HIVEP3: variants seen among roughly 807,000 people sequenced by gnomAD.
The protein encoded by HIVEP3 is HIVEP zinc finger 3.
A neutral mutation model predicts 152.8 loss-of-function variants in HIVEP3; 49 were observed. That is an observed-to-expected ratio of 0.32 (90% CI 0.26 to 0.41). The LOEUF is 0.41. HIVEP3 is among the 10% of genes least tolerant of loss of function. HIVEP3 has a pLI of 1.00. For synonymous variants in HIVEP3, 1,269 were observed against 1,289.0 expected, an observed-to-expected ratio of 0.98 and a Z score of 0.33; for missense variants, 2,790 against 3,103.3, an observed-to-expected ratio of 0.90 and a Z score of 2.40.
At chr1:41,745,985 T>A (rs1043476133) in intron 1 of HIVEP3, among the ~76,000 whole-genome samples, 2 of 152,186 alleles carry the variant, frequency 1.3e-5, no homozygotes, top group Non-Finnish European at 2.9e-5. Flanking sequence ...GGTCAACGAA[T>A]GAATGGCTAA....
Position 41,954,780 on chromosome 1 carries a change from C to CAA in HIVEP3, n.120-36257_120-36256insTT, listed in dbSNP as rs1374786426. On this transcript the variant is annotated intron_variant and non_coding_transcript_variant, in intron 1 of 3. Transcript: ENST00000489103. ...TGGCCCAGGGCAGGTTGCTTCATCGCTCTTAGTCCGAGTCTCCTCATTTGT... is the reference window on the plus strand; with the variant it reads ...TGGCCCAGGGCAGGTTGCTTCATCGCAATCTTAGTCCGAGTCTCCTCATTTGT... Among the ~76,000 whole-genome samples the CAA allele has an allele frequency of 1.7e-3, 256 of 152,334 alleles. 2 individuals carry two copies. Among genetic ancestry groups the CAA allele is most frequent in the African/African-American group, 5.9e-3 (244 of 41,574 alleles).
At chr1:41,642,662 C>A (rs542467085) in intron 2 of HIVEP3, among the ~76,000 whole-genome samples, 1 of 152,284 alleles carries the variant, frequency 6.6e-6, no homozygotes, top group African/African-American at 2.4e-5. Flanking sequence ...GTGATGCATC[C>A]GTGTCACTCA....
chr1:41,582,301 G>T lies in HIVEP3; in HGVS notation c.2497C>A (p.Pro833Thr). ...KPLAQFPSPPPAPHGRSAHSL... is the reference protein window; with the variant it reads ...KPLAQFPSPPTAPHGRSAHSL... ...TGAGCAGAGCGTCCGTGTGGGGCAG[G>T]TGGGGGTGATGGGAACTGGGCCAGA... The change falls in exon 4 of 9, where the codon CCT becomes ACT. Residue 833 changes from proline to threonine, a missense_variant. By Grantham distance (38) the Pro-to-Thr change is conservative. Transcript: ENST00000372583. This position sits in a 1 kb window ranked among gnomAD's most constrained non-coding sequence, Gnocchi z 4.7. 2 of 1,614,198 alleles carry T rather than the reference G, an allele frequency of 1.2e-6. No homozygotes were observed. Among genetic ancestry groups the T allele is most frequent in the Non-Finnish European group, 1.7e-6 (2 of 1,180,026 alleles).
intron 5 of HIVEP3, among the ~76,000 whole-genome samples, chr1:41,548,605 G>A (rs990116212): frequency 2.6e-5 from 4 of 151,658 alleles, no homozygotes; most frequent in Admixed American, 1.3e-4. Flanking sequence ...GCCCGATATC[G>A]GCTCATTGCA....
intron 1 of HIVEP3, among the ~76,000 whole-genome samples, chr1:41,970,073 T>G (rs770738745): frequency 5.3e-5 from 8 of 152,186 alleles, no homozygotes; most frequent in Non-Finnish European, 1.0e-4. Flanking sequence ...AACAGGAATG[T>G]TTTTACATTG....
chr1:41,954,594 G>T (rs1196462631), intron 1 of HIVEP3, among the ~76,000 whole-genome samples: 1 of 152,238 alleles, frequency 6.6e-6, no homozygotes, highest in Non-Finnish European at 1.5e-5. Context: ...TCTCTGAGCA[G>T]GGGGTCATGG....
intron 1 of HIVEP3, among the ~76,000 whole-genome samples, chr1:41,793,904 T>A (rs1279361493): frequency 6.6e-6 from 1 of 152,206 alleles, no homozygotes; most frequent in African/African-American, 2.4e-5. Context: ...TGTTTGTCAC[T>A]GAAATATTTT....
At chr1:42,014,723 C>G (rs916943984) in intron 1 of HIVEP3, among the ~76,000 whole-genome samples, 1 of 152,130 alleles carries the variant, frequency 6.6e-6, no homozygotes, top group African/African-American at 2.4e-5. Context: ...ATGCTATGAT[C>G]AATAACAAAT....
intron 1 of HIVEP3, among the ~76,000 whole-genome samples, chr1:41,741,351 G>C (rs1159112652): frequency 6.6e-6 from 1 of 152,192 alleles, no homozygotes; most frequent in Non-Finnish European, 1.5e-5. Flanking sequence ...TCCCACCTTT[G>C]CATTCTCCTA....
chr1:41,749,420 G>GTGTGTGTGTGTGTGTGTGTC (rs1460112299), intron 1 of HIVEP3, among the ~76,000 whole-genome samples: 2 of 151,916 alleles, frequency 1.3e-5, no homozygotes, highest in Non-Finnish European at 2.9e-5. Context: ...GTGTGTGTGT[G>GTGTGTGTGTGTGTGTGTGTC]TGTGTGTGTG....
intron 1 of HIVEP3, among the ~76,000 whole-genome samples, chr1:41,711,123 C>T (rs944432726): frequency 3.9e-5 from 6 of 152,246 alleles, no homozygotes; most frequent in African/African-American, 1.4e-4. Flanking sequence ...CTAGTGCCCT[C>T]CCTTCCCTTT....
chr1:41,901,970 A>G (rs1398928230), intron 1 of HIVEP3, among the ~76,000 whole-genome samples: 2 of 152,176 alleles, frequency 1.3e-5, no homozygotes, highest in African/African-American at 4.8e-5. Context: ...CTTGACACAG[A>G]ACAGGGATTC....
chr1:42,029,069 T>C (rs1289083435), intron 1 of HIVEP3, among the ~76,000 whole-genome samples: 1 of 152,224 alleles, frequency 6.6e-6, no homozygotes, highest in East Asian at 1.9e-4. Flanking sequence ...CTGAAGAATA[T>C]ACATCCATTG....
chr1:41,756,001 C>G (rs1343185580), intron 1 of HIVEP3, among the ~76,000 whole-genome samples: 1 of 152,180 alleles, frequency 6.6e-6, no homozygotes, highest in Non-Finnish European at 1.5e-5. Context: ...CAAACAAATA[C>G]AAATTGTGTG....
At position 41,552,920 on chromosome 1, in the gene HIVEP3, A is replaced by G. The variant is rs111926223; in HGVS notation, c.5207+22624T>C. ...GCTGAGGAGTGCTTTACTTCCAACT[A>G]TGTGGTCAATTTTGGAATAAGTGCT... On this transcript the variant is annotated intron_variant, in intron 5 of 8. Transcript: ENST00000372583. Among the ~76,000 whole-genome samples, 6 of 152,290 alleles carry G rather than the reference A, an allele frequency of 3.9e-5. No homozygotes were observed. In the East Asian group the frequency reaches 1.2e-3, roughly 29 times the overall value.
intron 1 of HIVEP3, among the ~76,000 whole-genome samples, chr1:41,823,988 G>T (rs1476373014): frequency 1.3e-5 from 2 of 152,216 alleles, no homozygotes; most frequent in Non-Finnish European, 2.9e-5. Context: ...AGGCAAATAA[G>T]CTGGCTTGTG....
At position 41,998,530 on chromosome 1, in the gene HIVEP3, T is replaced by C. The variant is rs148007235; in HGVS notation, n.119+37277A>G. On this transcript the variant is annotated intron_variant and non_coding_transcript_variant, in intron 1 of 3. Transcript: ENST00000489103. ...TAGGTCTCTGCCTTCTATCTTATAA[T>C]GGATGTTTGTAAACCACACAGCAGA... Among the ~76,000 whole-genome samples, 414 of 152,350 alleles carry C rather than the reference T, an allele frequency of 2.7e-3. 2 individuals are homozygous for C. Among genetic ancestry groups the C allele is most frequent in the Middle Eastern group, 0.014 (4 of 294 alleles).
At chr1:41,531,014 TGACAGGAGAGATGGAG>T (rs1466642850) in intron 5 of HIVEP3, among the ~76,000 whole-genome samples, 7 of 151,300 alleles carry the variant, frequency 4.6e-5, no homozygotes, top group African/African-American at 1.7e-4. Flanking sequence ...AGGCCAGGGA[TGACAGGAGAGATGGAG>T]GACAGGAGAG....
intron 2 of HIVEP3, among the ~76,000 whole-genome samples, chr1:41,635,024 C>T (rs1387735549): frequency 6.6e-6 from 1 of 152,028 alleles, no homozygotes; most frequent in African/African-American, 2.4e-5. Context: ...ACACCTTTTT[C>T]TCAAATGTCC....
Sources: allele counts gnomAD v4.1 joint callset (sites outside exome capture counted in the v4.1 genomes callset), GRCh38; gene constraint gnomAD v4.1.1; non-coding constraint Gnocchi (gnomAD v3.1); transcripts MANE v1.5; gene names NCBI Gene and HGNC (gene_info 2026-07-23, HGNC 2026-07-21).